Variants in GABRG1 observed in about 807,000 individuals in gnomAD.
GABRG1 encodes gamma-aminobutyric acid type A receptor subunit gamma1, also known as gamma-aminobutyric acid receptor subunit gamma-1.
GABRG1 carries 49 observed loss-of-function variants against 49.8 expected under a neutral mutation model. The ratio of observed to expected loss-of-function variants is 0.98; its 90% confidence interval spans 0.78 to 1.25. The LOEUF (loss-of-function observed/expected upper bound fraction) is 1.25, where lower values mean the gene tolerates loss of function less well. Among genes scored for constraint, GABRG1 ranks in the 50% most tolerant of loss-of-function variants. The probability of loss-of-function intolerance (pLI) is 0.00; values close to 1 mark genes in which losing one functional copy is unlikely to be tolerated. For synonymous variants in GABRG1, 232 were observed against 185.1 expected, an observed-to-expected ratio of 1.25 and a Z score of -2.06; for missense variants, 552 against 552.3, an observed-to-expected ratio of 1.00 and a Z score of 0.01.
intron 2 of GABRG1, among the ~76,000 whole-genome samples, chr4:46,090,953 C>T (rs71609464): frequency 0.33 from 32,505 of 97,870 alleles, 2,355 homozygotes; most frequent in African/African-American, 0.4. Context: ...CACACACACA[C>T]ATACACACAC....
At chr4:46,060,998 C>T (rs1718651650) in intron 5 of GABRG1, among the ~76,000 whole-genome samples, 1 of 151,922 alleles carries the variant, frequency 6.6e-6, no homozygotes, top group Non-Finnish European at 1.5e-5. Context: ...ATGTAGAGTG[C>T]CTGAAAAAAA....
At chr4:46,119,378 A>G (rs758128830) in intron 1 of GABRG1, among the ~76,000 whole-genome samples, 24 of 151,488 alleles carry the variant, frequency 1.6e-4, no homozygotes, top group Non-Finnish European at 3.0e-4. Flanking sequence ...TGGTAGTTAA[A>G]AATGCAGGCA....
chr4:46,070,263 A>C (rs1224909167), intron 3 of GABRG1, among the ~76,000 whole-genome samples: 1 of 152,042 alleles, frequency 6.6e-6, no homozygotes, highest in African/African-American at 2.4e-5. Context: ...CATCATGCTC[A>C]ATCAACATTT....
chr4:46,099,364 A>G (rs1720300867), intron 1 of GABRG1, among the ~76,000 whole-genome samples: 1 of 151,592 alleles, frequency 6.6e-6, no homozygotes, highest in Admixed American at 6.6e-5. Flanking sequence ...CTCACAGGCT[A>G]CTCCATTACT....
chr4:46,116,805 C>T (rs890068828), intron 1 of GABRG1, among the ~76,000 whole-genome samples: 3 of 150,746 alleles, frequency 2.0e-5, no homozygotes, highest in African/African-American at 7.3e-5. Flanking sequence ...AAGCCACCTG[C>T]AGAGGGTAAC....
At chr4:46,123,137 C>A (rs1163961236) in intron 1 of GABRG1, among the ~76,000 whole-genome samples, 1 of 149,120 alleles carries the variant, frequency 6.7e-6, no homozygotes, top group Non-Finnish European at 1.5e-5. Context: ...CACACACACA[C>A]ACACACAGAG....
chr4:46,077,361 A>G (rs1353406121), intron 3 of GABRG1, among the ~76,000 whole-genome samples: 1 of 152,008 alleles, frequency 6.6e-6, no homozygotes, highest in Non-Finnish European at 1.5e-5. Flanking sequence ...GAAAAACATA[A>G]TACTATAAAA....
At chr4:46,113,660 A>T (rs149802183) in intron 1 of GABRG1, among the ~76,000 whole-genome samples, 1 of 151,122 alleles carries the variant, frequency 6.6e-6, no homozygotes, top group Non-Finnish European at 1.5e-5. Context: ...AATTTAATAT[A>T]TTTATGCTTA....
intron 1 of GABRG1, among the ~76,000 whole-genome samples, chr4:46,108,048 A>C (rs1350485157): frequency 6.6e-6 from 1 of 151,282 alleles, no homozygotes; most frequent in Non-Finnish European, 1.5e-5. Flanking sequence ...AATATTTGTC[A>C]GAAGGAACAT....
At chr4:46,071,306 G>C (rs1199709474) in intron 3 of GABRG1, among the ~76,000 whole-genome samples, 2 of 151,038 alleles carry the variant, frequency 1.3e-5, no homozygotes, top group African/African-American at 4.9e-5. Context: ...TACACACACA[G>C]ACACAACAAA....
At position 46,065,534 on chromosome 4, in the gene GABRG1, T is replaced by C. The variant is rs1248209686; in HGVS notation, c.372A>G (p.Leu124=). ...IFAQTWFDSR[L]KFNSTMKVLM... is the part of the protein sequence containing the mutation. ...GCACTTTCATGGTACTATTGAATTT[T>C]AAACGACTGTCAAACCAGGTTTGGG... Residue 124 remains leucine, a synonymous_variant, in exon 4 of 9, where the codon TTA becomes TTG. Transcript: ENST00000295452. The C allele has an allele frequency of 6.2e-7, 1 of 1,603,718 alleles. No homozygotes were observed. The highest frequency in any genetic ancestry group is 2.2e-5 in the East Asian group (1 of 44,544).
intron 1 of GABRG1, among the ~76,000 whole-genome samples, chr4:46,117,733 TACATATAC>T (rs1560377086): frequency 6.9e-6 from 1 of 144,252 alleles, no homozygotes. Context: ...TATACATATA[TACATATAC>T]ACATATACAT....
intron 3 of GABRG1, among the ~76,000 whole-genome samples, chr4:46,072,330 T>G (rs768646151): frequency 2.0e-5 from 3 of 152,054 alleles, no homozygotes; most frequent in Non-Finnish European, 4.4e-5. Context: ...TCTCTGTCAT[T>G]AAGTGATACA....
At chr4:46,065,724 T>C (rs984094578) in intron 3 of GABRG1, 140 bp from the exon 4 acceptor site, 4 of 589,570 alleles carry the variant, frequency 6.8e-6, no homozygotes, top group East Asian at 2.9e-5. Flanking sequence ...AATGCCATTA[T>C]TTTAAACTTT....
intron 8 of GABRG1, among the ~76,000 whole-genome samples, chr4:46,045,215 T>C (rs1717947402): frequency 6.6e-6 from 1 of 152,048 alleles, no homozygotes; most frequent in Admixed American, 6.6e-5. Flanking sequence ...GAGGAAGTAA[T>C]ACATCCACTT....
chr4:46,067,558 T>C (rs963846077), intron 3 of GABRG1, among the ~76,000 whole-genome samples: 6 of 152,150 alleles, frequency 3.9e-5, no homozygotes, highest in Non-Finnish European at 7.4e-5. Context: ...CATGACCCTC[T>C]CTTTACATAA....
intron 3 of GABRG1, among the ~76,000 whole-genome samples, chr4:46,079,031 G>A (rs1206706434): frequency 2.7e-5 from 4 of 150,612 alleles, no homozygotes; most frequent in Non-Finnish European, 4.4e-5. Context: ...TAATGTTTGT[G>A]ACTTCTGTAG....
chr4:46,094,750 A>AC (rs1297140864), intron 2 of GABRG1, among the ~76,000 whole-genome samples: 1 of 151,980 alleles, frequency 6.6e-6, no homozygotes, highest in Non-Finnish European at 1.5e-5. Flanking sequence ...ATACACCCCA[A>AC]CACCACAATC....
intron 1 of GABRG1, among the ~76,000 whole-genome samples, chr4:46,106,431 T>A (rs572277991): frequency 1.3e-5 from 2 of 151,460 alleles, no homozygotes; most frequent in South Asian, 4.1e-4. Flanking sequence ...ATGAAAAAAA[T>A]CTTATACAAC....
Sources: allele counts gnomAD v4.1 joint callset (sites outside exome capture counted in the v4.1 genomes callset), GRCh38; gene constraint gnomAD v4.1.1; transcripts MANE v1.5; gene names NCBI Gene and HGNC (gene_info 2026-07-23, HGNC 2026-07-21).